STK10: variants seen among roughly 807,000 people sequenced by gnomAD.
STK10 encodes the protein serine/threonine kinase 10, also known as serine/threonine-protein kinase 10.
In STK10, 78 loss-of-function variants were observed where a neutral mutation model predicts 113.8. That is an observed-to-expected ratio of 0.69 (90% CI 0.57 to 0.83). The LOEUF (loss-of-function observed/expected upper bound fraction) is 0.83. Among genes scored for constraint, STK10 ranks in the 40% least tolerant of loss-of-function variants. The pLI is 0.00. For missense variants in STK10, 1,109 were observed against 1,280.1 expected (o/e 0.87, Z 2.04); for synonymous variants, 465 against 494.7 (o/e 0.94, Z 0.80).
intron 2 of STK10, among the ~76,000 whole-genome samples, chr5:172,139,271 A>G (rs1449724690): frequency 6.6e-6 from 1 of 152,216 alleles, no homozygotes; most frequent in Non-Finnish European, 1.5e-5. Context: ...AAGGTCGCAC[A>G]CTTCCAGATT....
At chr5:172,056,938 A>AGAAAGAAAGAAGGAAGGAAGGAAGGAAG (rs1561789900) in intron 15 of STK10, 1 of 67,452 alleles carries the variant, frequency 1.5e-5, no homozygotes, top group African/African-American at 8.4e-5. Flanking sequence ...AGGAAAGAAA[A>AGAAAGAAAGAAGGAAGGAAGGAAGGAAG]GAAAGAAAGA....
intron 7 of STK10, among the ~76,000 whole-genome samples, chr5:172,102,943 G>A (rs1014556311): frequency 3.9e-5 from 6 of 152,178 alleles, no homozygotes; most frequent in Non-Finnish European, 7.4e-5. Context: ...GCGGGGCATG[G>A]CATGTCTGAT....
intron 12 of STK10, among the ~76,000 whole-genome samples, chr5:172,067,465 A>T (rs1187136628): frequency 6.6e-6 from 1 of 151,972 alleles, no homozygotes; most frequent in Non-Finnish European, 1.5e-5. Flanking sequence ...AAGAATCAGG[A>T]AATAGAACCA....
Position 172,150,309 on chromosome 5 carries a change from C to T in STK10, c.321+6315G>A, listed in dbSNP as rs796296577. Among the ~76,000 whole-genome samples, 18 of 151,534 alleles carry T rather than the reference C, an allele frequency of 1.2e-4. 1 individual carries two copies. The highest frequency in any genetic ancestry group is 4.4e-4 in the African/African-American group (18 of 41,334). On this transcript the variant is annotated intron_variant, in intron 2 of 18. Coordinates refer to ENST00000176763, the MANE Select transcript of STK10 (RefSeq NM_005990.4). ...CAGTCTGGCCAACATGGCGAAACCC[C>T]GTCTCTACTAAAAATACAAAAATTA...
At chr5:172,186,362 C>T (rs1770954711) in intron 1 of STK10, among the ~76,000 whole-genome samples, 1 of 151,124 alleles carries the variant, frequency 6.6e-6, no homozygotes, top group Non-Finnish European at 1.5e-5. Context: ...GGTGGCTCAC[C>T]GCTGTAATCC....
At chr5:172,162,374 C>T (rs528242028) in intron 1 of STK10, among the ~76,000 whole-genome samples, 2 of 152,078 alleles carry the variant, frequency 1.3e-5, no homozygotes, top group South Asian at 4.2e-4. Flanking sequence ...TTAAAAAAAG[C>T]TTGTTTAGAA....
chr5:172,053,412 A>G (rs1293553228), intron 17 of STK10, among the ~76,000 whole-genome samples: 1 of 138,830 alleles, frequency 7.2e-6, no homozygotes, highest in Non-Finnish European at 1.5e-5. Context: ...GTGAGAAAGA[A>G]GTTTCTGTTA....
At chr5:172,108,020 C>A in intron 4 of STK10, 168 bp from the exon 5 acceptor site, 3 of 594,028 alleles carry the variant, frequency 5.1e-6, no homozygotes, top group Non-Finnish European at 8.9e-6. Context: ...AGAGGAAGTA[C>A]CGAGATGAAC....
intron 2 of STK10, among the ~76,000 whole-genome samples, chr5:172,131,326 G>A (rs1313320260): frequency 2.6e-5 from 4 of 152,124 alleles, no homozygotes; most frequent in African/African-American, 9.7e-5. Flanking sequence ...GAGCCCCCGC[G>A]CCTGGCCTGT....
At chr5:172,162,157 A>G (rs2113823795) in intron 1 of STK10, among the ~76,000 whole-genome samples, 1 of 152,132 alleles carries the variant, frequency 6.6e-6, no homozygotes, top group South Asian at 2.1e-4. Flanking sequence ...CCTGACCAAC[A>G]TGGTAAAACC....
At position 172,133,200 on chromosome 5, in the gene STK10, G is replaced by A. The variant is rs188380442; in HGVS notation, c.322-5779C>T. ...ACCTAATCTGGAGAGCTGTGTGTGC[G>A]TGTGTGCGTGTGTGTCTGGGGAGAT... On this transcript the variant is annotated intron_variant, in intron 2 of 18. Transcript: ENST00000176763. This position sits in a 1 kb window ranked among gnomAD's most constrained non-coding sequence, Gnocchi z 4.9. Among the ~76,000 whole-genome samples the A allele has an allele frequency of 1.1e-4, 16 of 152,258 alleles. No homozygotes were observed. Among genetic ancestry groups the A allele is most frequent in the East Asian group, 3.9e-4 (2 of 5,188 alleles).
intron 12 of STK10, among the ~76,000 whole-genome samples, chr5:172,065,304 T>C (rs1466348185): frequency 6.6e-6 from 1 of 151,184 alleles, no homozygotes; most frequent in Non-Finnish European, 1.5e-5. Flanking sequence ...TTTTTTTTTT[T>C]TTTTTTTTGA....
intron 9 of STK10, 117 bp from the exon 10 acceptor site, chr5:172,090,479 G>C: frequency 7.1e-7 from 1 of 1,401,056 alleles, no homozygotes; most frequent in African/African-American, 1.4e-5. Flanking sequence ...CCCCCAGAGA[G>C]ATGTGGCCAT....
chr5:172,144,497 T>G (rs1770044904), intron 2 of STK10, among the ~76,000 whole-genome samples: 1 of 152,166 alleles, frequency 6.6e-6, no homozygotes. Flanking sequence ...AGAAATGTCC[T>G]TAGCATATCT....
chr5:172,048,981 G>A (rs772489984), intron 18 of STK10, among the ~76,000 whole-genome samples: 8 of 151,974 alleles, frequency 5.3e-5, no homozygotes, highest in African/African-American at 1.2e-4. Flanking sequence ...AAACCCCCAC[G>A]GCTGCACGCC....
chr5:172,070,271 C>A (rs561510719), intron 12 of STK10, among the ~76,000 whole-genome samples: 8 of 150,016 alleles, frequency 5.3e-5, no homozygotes, highest in Non-Finnish European at 8.9e-5. Flanking sequence ...ATCTATATAT[C>A]TATATATCTA....
At chr5:172,065,717 T>C (rs949436577) in intron 12 of STK10, among the ~76,000 whole-genome samples, 4 of 152,134 alleles carry the variant, frequency 2.6e-5, no homozygotes, top group Non-Finnish European at 5.9e-5. Context: ...TTTGGGACGT[T>C]TGCTGGAACT....
chr5:172,100,167 G>A (rs984636433), intron 7 of STK10, among the ~76,000 whole-genome samples: 1 of 152,214 alleles, frequency 6.6e-6, no homozygotes, highest in East Asian at 1.9e-4. Flanking sequence ...GATGTGTTTA[G>A]AGGCCCATTA....
intron 2 of STK10, among the ~76,000 whole-genome samples, chr5:172,141,631 A>G (rs1769973608): frequency 6.6e-6 from 1 of 151,914 alleles, no homozygotes. Context: ...GTGGTCCTGC[A>G]TGGGCTTAGA....
Sources: gnomAD v4.1 joint callset for allele counts (sites outside exome capture counted in the v4.1 genomes callset) on GRCh38, gnomAD v4.1.1 for gene constraint, Gnocchi (gnomAD v3.1) non-coding constraint, MANE v1.5 for transcripts, NCBI Gene and HGNC (gene_info 2026-07-23, HGNC 2026-07-21) for gene names.